The following LRRC4C variants were observed in gnomAD, a reference collection of about 807,000 sequenced individuals.
LRRC4C encodes leucine rich repeat containing 4C.
Under a neutral mutation model 33.6 loss-of-function variants are expected in LRRC4C, and 5 were observed. The observed-to-expected ratio is 0.15, with a 90% CI of 0.08 to 0.31. LRRC4C has a LOEUF of 0.31. LRRC4C is among the 10% of genes least tolerant of loss of function. LRRC4C has a pLI of 1.00. For missense variants in LRRC4C, 560 were observed against 796.7 expected (o/e 0.70, Z 3.58); for synonymous variants, 329 against 302.0 (o/e 1.09, Z -0.93).
At chr11:40,336,792 C>T (rs1329594442) in intron 3 of LRRC4C, among the ~76,000 whole-genome samples, 4 of 151,766 alleles carry the variant, frequency 2.6e-5, no homozygotes, top group East Asian at 1.9e-4. Flanking sequence ...CTGGCTAACA[C>T]GGTGAAACCC....
intron 1 of LRRC4C, among the ~76,000 whole-genome samples, chr11:41,371,855 G>A (rs1952758794): frequency 6.6e-6 from 1 of 152,336 alleles, no homozygotes; most frequent in Admixed American, 6.5e-5. Context: ...TAGAAATTGG[G>A]CCGGGCGCGG....
At chr11:40,619,958 A>G (rs1962282681) in intron 3 of LRRC4C, among the ~76,000 whole-genome samples, 1 of 150,054 alleles carries the variant, frequency 6.7e-6, no homozygotes, top group Non-Finnish European at 1.5e-5. Flanking sequence ...TTTTATTCAA[A>G]CCTGCACTGT....
chr11:41,171,463 A>T (rs1347994138), intron 1 of LRRC4C, among the ~76,000 whole-genome samples: 3 of 152,060 alleles, frequency 2.0e-5, no homozygotes, highest in Non-Finnish European at 2.9e-5. Context: ...GACATGGATG[A>T]AGCTGGAAAC....
intron 1 of LRRC4C, among the ~76,000 whole-genome samples, chr11:41,111,825 G>A (rs1481594148): frequency 6.6e-6 from 1 of 151,918 alleles, no homozygotes; most frequent in Admixed American, 6.6e-5. Context: ...ATATCCTCAT[G>A]GAGATTGTCC....
Position 40,641,015 on chromosome 11 carries a change from CAAA to C in LRRC4C, c.-270+7124_-270+7126del, listed in dbSNP as rs5791392. Among the ~76,000 whole-genome samples, 647 of 110,038 alleles carry C rather than the reference CAAA, an allele frequency of 5.9e-3. 3 individuals carry two copies. Among genetic ancestry groups the C allele is most frequent in the South Asian group, 0.017 (57 of 3,286 alleles). 72.2% of individuals were successfully genotyped at this position (110,038 alleles called of 152,430 possible). A position where few individuals can be genotyped will look rare whatever the true frequency, so the allele number is the denominator to read the frequency against. On this transcript the variant is annotated intron_variant, in intron 3 of 6. Coordinates refer to ENST00000528697, the MANE Select transcript of LRRC4C (RefSeq NM_001258419.2). ...CGCGCTACAGAGCGAGAGTCCATCT[CAAA>C]AAAAAAAAAAAAAAAAAGTAAATTT...
In LRRC4C at chr11:40,772,431, C is replaced by T. The variant is rs545870225; in HGVS notation, c.-406-124153G>A. Among the ~76,000 whole-genome samples, 233 of 152,254 alleles carry T rather than the reference C, an allele frequency of 1.5e-3. No individual in the cohort carries two copies. The Middle Eastern group carries it at 0.017, about 11-fold the overall frequency. ...ATTTGGGTGGTGACACAGAGCCTGACCATATCACTACCACCTGACAACAGA... is the reference window on the plus strand; with the variant it reads ...ATTTGGGTGGTGACACAGAGCCTGATCATATCACTACCACCTGACAACAGA... On this transcript the variant is annotated intron_variant, in intron 2 of 6. Coordinates refer to ENST00000528697, the MANE Select transcript of LRRC4C (RefSeq NM_001258419.2).
At chr11:41,438,560 G>GTA in intron 1 of LRRC4C, among the ~76,000 whole-genome samples, 1 of 152,204 alleles carries the variant, frequency 6.6e-6, no homozygotes, top group Admixed American at 6.5e-5. Context: ...CAGTATCAGG[G>GTA]TATACTATCC....
chr11:40,846,558 C>T (rs1320735791), intron 2 of LRRC4C, among the ~76,000 whole-genome samples: 1 of 152,058 alleles, frequency 6.6e-6, no homozygotes, highest in Admixed American at 6.6e-5. Context: ...GGTACCAGTT[C>T]CATGCTGTTT....
At chr11:40,995,533 A>G (rs942622804) in intron 1 of LRRC4C, among the ~76,000 whole-genome samples, 2 of 152,144 alleles carry the variant, frequency 1.3e-5, no homozygotes, top group African/African-American at 4.8e-5. Flanking sequence ...ATCACGTCTA[A>G]TCCATCAAAA....
At chr11:40,164,056 T>C (rs539362738) in intron 5 of LRRC4C, among the ~76,000 whole-genome samples, 10 of 152,184 alleles carry the variant, frequency 6.6e-5, no homozygotes, top group African/African-American at 2.4e-4. Flanking sequence ...TTAGCTTCCA[T>C]GTGGTTGTGA....
At chr11:41,170,311 A>G (rs1348415625) in intron 1 of LRRC4C, among the ~76,000 whole-genome samples, 1 of 152,176 alleles carries the variant, frequency 6.6e-6, no homozygotes, top group African/African-American at 2.4e-5. Context: ...ATCCTAAGCC[A>G]AAAGAACAAA....
At chr11:40,596,132 T>G (rs972509714) in intron 3 of LRRC4C, among the ~76,000 whole-genome samples, 1 of 152,100 alleles carries the variant, frequency 6.6e-6, no homozygotes, top group African/African-American at 2.4e-5. Flanking sequence ...CAATGACAGC[T>G]GGGTTGGAGG....
chr11:40,970,276 G>A (rs1006175080), intron 1 of LRRC4C, among the ~76,000 whole-genome samples: 8 of 152,150 alleles, frequency 5.3e-5, no homozygotes, highest in African/African-American at 1.4e-4. Flanking sequence ...ATTGGTTCAT[G>A]GGGGCAGTTT....
chr11:41,035,589 A>T (rs1466183539), intron 1 of LRRC4C, among the ~76,000 whole-genome samples: 1 of 152,144 alleles, frequency 6.6e-6, no homozygotes, highest in Non-Finnish European at 1.5e-5. Context: ...TGATATTTTA[A>T]ATGTGGACTC....
rs187798001 is a variant in LRRC4C, at chr11:41,101,815, G to C, written c.-495-168092C>G. On this transcript the variant is annotated intron_variant, in intron 1 of 6. Coordinates refer to ENST00000528697, the MANE Select transcript of LRRC4C (RefSeq NM_001258419.2). ...TATACATCACAGCCATAAAAAAAGA[G>C]AGCATTACCTTTGCAGGAACGTGGA... is the stretch of plus-strand genomic sequence containing the variant. 3.2e-3 allele frequency among the ~76,000 whole-genome samples: 487 copies of C among 152,120 alleles called. 4 individuals carry two copies. Among genetic ancestry groups the C allele is most frequent in the Admixed American group, 8.9e-3 (136 of 15,250 alleles).
chr11:41,412,887 G>T (rs1291734158), intron 1 of LRRC4C, among the ~76,000 whole-genome samples: 2 of 152,080 alleles, frequency 1.3e-5, no homozygotes, highest in African/African-American at 4.8e-5. Flanking sequence ...TGCACAATCT[G>T]CCCCTAACAG....
At chr11:41,295,604 T>TC (rs1312268174) in intron 1 of LRRC4C, among the ~76,000 whole-genome samples, 1 of 152,080 alleles carries the variant, frequency 6.6e-6, no homozygotes, top group Non-Finnish European at 1.5e-5. Context: ...CAAACATTTT[T>TC]TTTTTTTTTA....
In LRRC4C at chr11:40,574,717, T is replaced by C. The variant is rs1215251804; in HGVS notation, c.-270+73425A>G. Among the ~76,000 whole-genome samples the C allele has an allele frequency of 2.0e-5, 3 of 152,160 alleles. No individual in the cohort carries two copies. The East Asian group carries it at 5.8e-4, about 29-fold the overall frequency. On this transcript the variant is annotated intron_variant, in intron 3 of 6. Transcript: ENST00000528697. ...AGCTGGCTCCAATTGCTGGCTGCAC[T>C]CTCCCCTTTCTTTCCACCCCTGGCT...
intron 1 of LRRC4C, among the ~76,000 whole-genome samples, chr11:41,214,285 C>T (rs1946941168): frequency 6.6e-6 from 1 of 152,092 alleles, no homozygotes; most frequent in Non-Finnish European, 1.5e-5. Flanking sequence ...TGTTGCCAGG[C>T]TGCCAGGTGC....
Sources: gnomAD v4.1 joint callset for allele counts (sites outside exome capture counted in the v4.1 genomes callset) on GRCh38, gnomAD v4.1.1 for gene constraint, MANE v1.5 for transcripts, NCBI Gene and HGNC (gene_info 2026-07-23, HGNC 2026-07-21) for gene names.